The following EXT1 variants were observed in gnomAD, a reference collection of about 807,000 sequenced individuals.
EXT1 encodes exostosin glycosyltransferase 1, also known as exostosin-1.
In EXT1, 20 loss-of-function variants were observed where a neutral mutation model predicts 82.5. The ratio of observed to expected loss-of-function variants is 0.24; its 90% confidence interval spans 0.17 to 0.35. The LOEUF is 0.35. EXT1 is among the 10% of genes least tolerant of loss of function. The pLI is 1.00. For missense variants in EXT1, 757 were observed against 936.5 expected (o/e 0.81, Z 2.50); for synonymous variants, 348 against 350.8 (o/e 0.99, Z 0.09).
At chr8:117,938,005 G>A (rs146650195) in intron 1 of EXT1, among the ~76,000 whole-genome samples, 3 of 152,300 alleles carry the variant, frequency 2.0e-5, no homozygotes, top group Non-Finnish European at 4.4e-5. Context: ...TTCTGAAACT[G>A]CAGTACCAGA....
intron 1 of EXT1, among the ~76,000 whole-genome samples, chr8:117,945,439 G>A (rs746903778): frequency 6.6e-6 from 1 of 152,118 alleles, no homozygotes; most frequent in Non-Finnish European, 1.5e-5. Context: ...TTGGGCAAAG[G>A]GGGGCAAGTT....
chr8:118,032,453 T>C (rs372418562), intron 1 of EXT1, among the ~76,000 whole-genome samples: 12 of 151,960 alleles, frequency 7.9e-5, no homozygotes, highest in East Asian at 5.8e-4. Context: ...TAATATAATC[T>C]AGTGTCTTTA....
intron 1 of EXT1, among the ~76,000 whole-genome samples, chr8:117,986,194 T>C (rs201626654): frequency 3.4e-5 from 5 of 147,690 alleles, no homozygotes; most frequent in South Asian, 4.2e-4. Flanking sequence ...TTTCTTTTTT[T>C]TTTTTTTTTT....
intron 4 of EXT1, among the ~76,000 whole-genome samples, chr8:117,828,566 T>C (rs1347491020): frequency 1.3e-5 from 2 of 151,864 alleles, no homozygotes; most frequent in East Asian, 1.9e-4. Context: ...ACATTCAACA[T>C]TCTTTAAGAA....
chr8:118,100,091 A>G (rs1348159307), intron 1 of EXT1, among the ~76,000 whole-genome samples: 2 of 152,134 alleles, frequency 1.3e-5, no homozygotes, highest in Non-Finnish European at 2.9e-5. Context: ...CTTACTGGAA[A>G]AGTCAATCCG....
At chr8:118,041,682 G>GAAGA (rs1554596102) in intron 1 of EXT1, among the ~76,000 whole-genome samples, 1 of 147,256 alleles carries the variant, frequency 6.8e-6, no homozygotes, top group Non-Finnish European at 1.5e-5. Context: ...AGGAAGGAAG[G>GAAGA]AAGGAAGGAA....
intron 1 of EXT1, among the ~76,000 whole-genome samples, chr8:118,042,113 A>T (rs1172491674): frequency 6.6e-6 from 1 of 152,038 alleles, no homozygotes; most frequent in Non-Finnish European, 1.5e-5. Context: ...CTGTTAAAGA[A>T]ATTACTTTTT....
intron 1 of EXT1, among the ~76,000 whole-genome samples, chr8:117,868,098 C>T (rs571002956): frequency 3.2e-4 from 49 of 152,276 alleles, no homozygotes; most frequent in African/African-American, 1.1e-3. Context: ...CACCAGCCAC[C>T]AGCATGTTCA....
intron 1 of EXT1, among the ~76,000 whole-genome samples, chr8:117,895,784 T>C (rs1173502532): frequency 6.6e-6 from 1 of 152,230 alleles, no homozygotes; most frequent in African/African-American, 2.4e-5. Context: ...GGTTTCATGC[T>C]GGAAACACTA....
At chr8:118,108,389 T>TA (rs1817835630) in intron 1 of EXT1, among the ~76,000 whole-genome samples, 1 of 152,202 alleles carries the variant, frequency 6.6e-6, no homozygotes, top group Non-Finnish European at 1.5e-5. Flanking sequence ...TACTCCACCA[T>TA]AAACCAGACA....
At chr8:117,980,852 G>A (rs926430786) in intron 1 of EXT1, among the ~76,000 whole-genome samples, 11 of 152,094 alleles carry the variant, frequency 7.2e-5, no homozygotes, top group East Asian at 1.9e-4. Flanking sequence ...CGCAGTCCCC[G>A]GCCACCAGGA....
At chr8:118,064,955 C>T (rs558638485) in intron 1 of EXT1, among the ~76,000 whole-genome samples, 7 of 151,000 alleles carry the variant, frequency 4.6e-5, no homozygotes, top group African/African-American at 1.5e-4. Flanking sequence ...CAGATTCAAG[C>T]GATTCTCCTG....
intron 1 of EXT1, among the ~76,000 whole-genome samples, chr8:117,857,805 G>T (rs1368111623): frequency 6.6e-6 from 1 of 152,146 alleles, no homozygotes; most frequent in Non-Finnish European, 1.5e-5. Context: ...GATGGATCTG[G>T]GCAAAGTCAA....
chr8:117,935,205 G>C (rs1814136152), intron 1 of EXT1, among the ~76,000 whole-genome samples: 8 of 152,068 alleles, frequency 5.3e-5, no homozygotes. Context: ...GCAGCTGTAG[G>C]GACAGGAGCT....
chr8:118,022,988 A>G (rs1233778669), intron 1 of EXT1, among the ~76,000 whole-genome samples: 3 of 152,214 alleles, frequency 2.0e-5, no homozygotes, highest in Non-Finnish European at 4.4e-5. Flanking sequence ...AAATAGGAAC[A>G]GGTGGTTAGA....
At chr8:118,061,649 A>G (rs923295789) in intron 1 of EXT1, among the ~76,000 whole-genome samples, 13 of 152,208 alleles carry the variant, frequency 8.5e-5, no homozygotes, top group African/African-American at 3.1e-4. Flanking sequence ...GGTAATTTGA[A>G]AAGTACTTTG....
intron 1 of EXT1, among the ~76,000 whole-genome samples, chr8:118,106,300 C>A (rs1329775834): frequency 6.6e-6 from 1 of 152,132 alleles, no homozygotes; most frequent in Admixed American, 6.5e-5. Flanking sequence ...TCAAGGGTGC[C>A]TGAGAATAGA....
chr8:117,898,466 C>G (rs1813383605), intron 1 of EXT1, among the ~76,000 whole-genome samples: 1 of 152,176 alleles, frequency 6.6e-6, no homozygotes, highest in African/African-American at 2.4e-5. Context: ...AGAAAGAAAA[C>G]TACAAATGCA....
At chr8:117,930,287 G>C (rs1015064396) in intron 1 of EXT1, among the ~76,000 whole-genome samples, 1 of 152,188 alleles carries the variant, frequency 6.6e-6, no homozygotes, top group Non-Finnish European at 1.5e-5. Context: ...ATGAAATGTG[G>C]GGAGCGGAAG....
Sources: allele counts gnomAD v4.1 joint callset (sites outside exome capture counted in the v4.1 genomes callset), GRCh38; gene constraint gnomAD v4.1.1; transcripts MANE v1.5; gene names NCBI Gene and HGNC (gene_info 2026-07-23, HGNC 2026-07-21).